CRIP2: variants seen among roughly 807,000 people sequenced by gnomAD.
CRIP2 encodes the protein cysteine rich protein 2.
CRIP2 carries 31 observed loss-of-function variants against 31.3 expected under a neutral mutation model. The ratio of observed to expected loss-of-function variants is 0.99; its 90% CI spans 0.74 to 1.34. The LOEUF is 1.34. Ranked by LOEUF, CRIP2 falls within the 40% of genes most tolerant of loss-of-function variation. The pLI is 0.00. For synonymous variants in CRIP2, 177 were observed against 127.2 expected (o/e 1.39, Z -2.63); for missense variants, 389 against 301.6 (o/e 1.29, Z -2.15).
upstream of CRIP2, chr14:105,473,080 TA>T: frequency 2.7e-6 from 2 of 748,714 alleles, no homozygotes; most frequent in Non-Finnish European, 4.3e-6. Context: ...TCAGGGAGGG[TA>T]ATGGCTTAGC....
chr14:105,479,655 C>T lies in CRIP2; in HGVS notation c.*2C>T, dbSNP rs375691223. ...CCCGAAGGCAAGGTCCAGCCCTAGG[C>T]TACAGCGGCTCTCATGATGTGGGCT... On this transcript the variant is annotated 3_prime_UTR_variant, in exon 8 of 8. Transcript: ENST00000329146. 117 of 1,611,268 alleles carry T rather than the reference C, an allele frequency of 7.3e-5. No individual in the cohort carries two copies. The highest frequency in any genetic ancestry group is 1.6e-4 in the African/African-American group (12 of 74,910).
rs587762498 is a variant in CRIP2, at chr14:105,478,530, C to T, written c.196+23C>T. On this transcript the variant is annotated intron_variant, in intron 3 of 7. Coordinates refer to ENST00000329146, the MANE Select transcript of CRIP2 (RefSeq NM_001312.4). The surrounding 1 kb of genome is among the most constrained non-coding windows in gnomAD (Gnocchi z 4.9). The stretch of plus-strand genomic sequence containing the variant: ...AAGGTGAGCTCCGGCTGCCCTCGGC[C>T]TGCCCTGGGACCTGCTGGGAGGGGC... The T allele has an allele frequency of 6.2e-7, 1 of 1,602,538 alleles. No homozygotes were observed. Among genetic ancestry groups the T allele is most frequent in the Non-Finnish European group, 8.5e-7 (1 of 1,176,200 alleles).
chr14:105,475,065 C>T (rs904104744), intron 1 of CRIP2, among the ~76,000 whole-genome samples, 160 bp downstream of exon 1: 33 of 152,288 alleles, frequency 2.2e-4, no homozygotes, highest in South Asian at 4.1e-4. Context: ...GCCCAAGCGG[C>T]TAAAGCCAAA....
Position 105,478,916 on chromosome 14 carries a change from G to C in CRIP2, c.337+45G>C, listed in dbSNP as rs1330128926. 6.6e-7 allele frequency: 1 copy of C among 1,509,434 alleles called. No individual in the cohort carries two copies. Among genetic ancestry groups the C allele is most frequent in the Non-Finnish European group, 8.8e-7 (1 of 1,135,136 alleles). The allele number at this position is 1,509,434 out of a possible 1,614,324, so 93.5% of individuals were successfully genotyped here. Reference sequence around the variant, plus strand: ...GGGCTGGGGGTTGTGGGCACGCGCGGGCTGGGGCTGGGGGTTGTGGGCACC... The same window carrying C: ...GGGCTGGGGGTTGTGGGCACGCGCGCGCTGGGGCTGGGGGTTGTGGGCACC... On this transcript the variant is annotated intron_variant, in intron 4 of 7. Coordinates refer to ENST00000329146, the MANE Select transcript of CRIP2 (RefSeq NM_001312.4). This position sits in a 1 kb window ranked among gnomAD's most constrained non-coding sequence, Gnocchi z 4.9.
chr14:105,479,408 C>T (rs373473162), intron 6 of CRIP2, 28 bp from the exon 7 acceptor site: 18 of 1,612,456 alleles, frequency 1.1e-5, no homozygotes, highest in Non-Finnish European at 1.4e-5. Flanking sequence ...CTGTGGACTC[C>T]TCCCTCAGCA....
chr14:105,475,937 G>A, intron 1 of CRIP2: 1 of 985,578 alleles, frequency 1.0e-6, no homozygotes, highest in Non-Finnish European at 1.2e-6. Flanking sequence ...CCAGGCTGCA[G>A]GGAAGGCCGC....
intron 1 of CRIP2, chr14:105,477,586 T>G (rs587637362): frequency 7.7e-5 from 73 of 953,920 alleles, no homozygotes; most frequent in Non-Finnish European, 8.8e-5. Context: ...TTGAAGCAGG[T>G]GCACTGCAGA....
At chr14:105,473,245 C>T (rs1057259743), upstream of CRIP2, 2 of 1,529,886 alleles carry the variant, frequency 1.3e-6, no homozygotes, top group South Asian at 2.4e-5. Context: ...AAGGTACTGA[C>T]TGATGCCTCC....
chr14:105,474,679 C>T, upstream of CRIP2: 2 of 695,456 alleles, frequency 2.9e-6, no homozygotes, highest in South Asian at 6.3e-5. This position sits in a 1 kb window ranked among gnomAD's most constrained non-coding sequence, Gnocchi z 5.1. Flanking sequence ...CCACCCCCGG[C>T]AGGTGCGCCC....
Position 105,478,954 on chromosome 14 carries a change from C to G in CRIP2, c.338-25C>G. 4 of 1,546,818 alleles carry G rather than the reference C, an allele frequency of 2.6e-6. No homozygotes were observed. Among genetic ancestry groups the G allele is most frequent in the Non-Finnish European group, 3.5e-6 (4 of 1,152,122 alleles). On this transcript the variant is annotated intron_variant, in intron 4 of 7. Coordinates refer to ENST00000329146, the MANE Select transcript of CRIP2 (RefSeq NM_001312.4). This position sits in a 1 kb window ranked among gnomAD's most constrained non-coding sequence, Gnocchi z 4.9. Reference sequence around the variant, plus strand: ...GGTTGTGGGCACCCCCGGCCCCGCCCCGCCCTGACTCGTGCGCCCCACAGC... The same window carrying G: ...GGTTGTGGGCACCCCCGGCCCCGCCGCGCCCTGACTCGTGCGCCCCACAGC...
chr14:105,479,746 C>A lies in CRIP2; in HGVS notation c.*93C>A. On this transcript the variant is annotated 3_prime_UTR_variant, in exon 8 of 8. Transcript: ENST00000329146. ...TCTGCTGGGAGAGTGCTCAGCCGCC[C>A]AGTCCTGCCTGCAAGCCCAGGGCGA... is the stretch of plus-strand genomic sequence containing the variant. 2 of 1,374,138 alleles carry A rather than the reference C, an allele frequency of 1.5e-6. No individual in the cohort carries two copies. Among genetic ancestry groups the A allele is most frequent in the Non-Finnish European group, 2.0e-6 (2 of 998,716 alleles). The allele number at this position is 1,374,138 out of a possible 1,614,324, so 85.1% of individuals were successfully genotyped here.
upstream of CRIP2, chr14:105,473,453 A>G (rs1170746896): frequency 5.0e-5 from 77 of 1,535,556 alleles, no homozygotes; most frequent in Non-Finnish European, 6.3e-5. Flanking sequence ...GAAAGCCAGG[A>G]GCACCGAGGG....
chr14:105,479,010 C>G lies in CRIP2; in HGVS notation c.369C>G (p.Pro123=), dbSNP rs1555436639. Reference sequence around the variant, plus strand: ...GTGTCACCACTTTCACCGGGGAGCCCAACACGTGCCCGCGCTGCAGCAAGA... The same window carrying G: ...GTGTCACCACTTTCACCGGGGAGCCGAACACGTGCCCGCGCTGCAGCAAGA... ...ASSVTTFTGE[P]NTCPRCSKKV... is the part of the protein sequence containing the mutation. The change falls in exon 5 of 8, where the codon CCC becomes CCG. Residue 123 remains proline (P), a synonymous_variant. Transcript: ENST00000329146. 2.5e-6 allele frequency: 4 copies of G among 1,584,160 alleles called. No individual in the cohort carries two copies. In the Admixed American group the frequency reaches 7.0e-5, roughly 28 times the overall value.
At chr14:105,477,637 C>T (rs2141752928) in intron 1 of CRIP2, 1 of 810,020 alleles carries the variant, frequency 1.2e-6, no homozygotes, top group African/African-American at 6.5e-5. Flanking sequence ...GAGGGAATGA[C>T]AGGTGGGGGA....
upstream of CRIP2, chr14:105,473,447 G>A (rs587629982): frequency 3.4e-3 from 5,253 of 1,535,756 alleles, 10 homozygotes; most frequent in Non-Finnish European, 4.2e-3. Context: ...CACCATGAAA[G>A]CCAGGAGCAC....
At position 105,479,114 on chromosome 14, in the gene CRIP2, C is replaced by T. The variant is rs1353765071; in HGVS notation, c.407-11C>T. Reference sequence around the variant, plus strand: ...GCCCCGGGGCTCGGCCTCACTCCTCCCCCTTTCCAGCTGAGAAGGTGACGT... The same window carrying T: ...GCCCCGGGGCTCGGCCTCACTCCTCTCCCTTTCCAGCTGAGAAGGTGACGT... On this transcript the variant is annotated splice_polypyrimidine_tract_variant and intron_variant, in intron 5 of 7. Coordinates refer to ENST00000329146, the MANE Select transcript of CRIP2 (RefSeq NM_001312.4). The T allele has an allele frequency of 3.1e-6, 5 of 1,611,216 alleles. No individual in the cohort carries two copies. The highest frequency in any genetic ancestry group is 1.7e-5 in the Admixed American group (1 of 59,942).
chr14:105,478,267 C>A lies in CRIP2; in HGVS notation c.45C>A (p.Ala15=). The change falls in exon 2 of 8, where the codon GCC becomes GCA. Residue 15 remains alanine, a splice_region_variant and synonymous_variant. Transcript: ENST00000329146. This position sits in a 1 kb window ranked among gnomAD's most constrained non-coding sequence, Gnocchi z 4.9. ...CPKCDKTVYF[A]EKVSSLGKDW... is the part of the protein sequence containing the mutation. ...CCCCCTGCCGCCCCTCCCGCTCAGC[C>A]GAGAAGGTGAGCTCCCTGGGGAAGG... 9.7e-6 allele frequency: 15 copies of A among 1,551,858 alleles called. No individual in the cohort carries two copies. Among genetic ancestry groups the A allele is most frequent in the Non-Finnish European group, 1.1e-5 (13 of 1,151,424 alleles).
chr14:105,474,773 G>A (rs1445206380), upstream of CRIP2: 4 of 1,163,300 alleles, frequency 3.4e-6, no homozygotes, highest in African/African-American at 6.6e-5. The surrounding 1 kb of genome is among the most constrained non-coding windows in gnomAD (Gnocchi z 5.1). Flanking sequence ...CAATGGGCGC[G>A]CGGACAGCCG....
In CRIP2 at chr14:105,478,993, A is replaced by G; in HGVS notation, c.352A>G (p.Thr118Ala). 1 of 1,570,896 alleles carries G rather than the reference A, an allele frequency of 6.4e-7. No homozygotes were observed. ...GCGCCCCACAGCCTCCAGTGTCACCACTTTCACCGGGGAGCCCAACACGTG... is the reference window on the plus strand; with the variant it reads ...GCGCCCCACAGCCTCCAGTGTCACCGCTTTCACCGGGGAGCCCAACACGTG... ...KGPSRASSVT[T>A]FTGEPNTCPR... Residue 118 changes from threonine to alanine, a missense_variant, in exon 5 of 8, where the codon ACT becomes GCT. Coordinates refer to ENST00000329146, the MANE Select transcript of CRIP2 (RefSeq NM_001312.4). The surrounding 1 kb of genome is among the most constrained non-coding windows in gnomAD (Gnocchi z 4.9).
Sources: allele counts gnomAD v4.1 joint callset (sites outside exome capture counted in the v4.1 genomes callset), GRCh38; gene constraint gnomAD v4.1.1; non-coding constraint Gnocchi (gnomAD v3.1); transcripts MANE v1.5; gene names NCBI Gene and HGNC (gene_info 2026-07-23, HGNC 2026-07-21).